Variants in THADA observed in about 807,000 individuals in gnomAD.
The protein encoded by THADA is THADA armadillo repeat containing.
In THADA, 213 loss-of-function variants were observed where a neutral mutation model predicts 219.8. The observed-to-expected ratio is 0.97, with a 90% CI of 0.87 to 1.09. The LOEUF is 1.09. Ranked by LOEUF, THADA falls within the 50% of genes least tolerant of loss-of-function variation. The pLI, the probability that THADA is intolerant of heterozygous loss-of-function variation, is 0.00. For synonymous variants in THADA, 1,018 were observed against 828.9 expected (o/e 1.23, Z -3.92); for missense variants, 2,956 against 2,311.3 (o/e 1.28, Z -5.72).
In THADA at chr2:43,514,708, ATATAAAT is replaced by A. The variant is rs1394141058; in HGVS notation, c.3375-5935_3375-5929del. Among the ~76,000 whole-genome samples, 328 of 74,308 alleles carry A rather than the reference ATATAAAT, an allele frequency of 4.4e-3. 52 individuals are homozygous for A. The highest frequency in any genetic ancestry group is 0.011 in the African/African-American group (173 of 15,326). 48.7% of individuals were successfully genotyped at this position (74,308 alleles called of 152,430 possible). A position where few individuals can be genotyped will look rare whatever the true frequency, so the allele number is the denominator to read the frequency against. On this transcript the variant is annotated intron_variant, in intron 22 of 37. Transcript: ENST00000405975. ...ATTATATATAATATATATAATATAT[ATATAAAT>A]ATATATTATATATAATATGTATAAT...
intron 21 of THADA, among the ~76,000 whole-genome samples, chr2:43,530,949 C>T (rs1036599936): frequency 2.6e-5 from 4 of 152,124 alleles, no homozygotes; most frequent in African/African-American, 9.7e-5. Context: ...TAATAATTTC[C>T]GAATAAACCC....
chr2:43,529,319 T>C (rs544954721), intron 21 of THADA, among the ~76,000 whole-genome samples: 120 of 152,274 alleles, frequency 7.9e-4, no homozygotes, highest in South Asian at 1.4e-3. Context: ...TAAGTGTATG[T>C]CACCAAACCC....
chr2:43,325,033 T>C (rs1367112765), intron 30 of THADA, among the ~76,000 whole-genome samples: 2 of 152,206 alleles, frequency 1.3e-5, no homozygotes, highest in African/African-American at 2.4e-5. Flanking sequence ...AATCCTGTTT[T>C]CTTCCACTCT....
intron 31 of THADA, among the ~76,000 whole-genome samples, chr2:43,298,605 T>A (rs938390683): frequency 3.6e-5 from 5 of 138,152 alleles, no homozygotes; most frequent in African/African-American, 6.4e-5. Flanking sequence ...AAAAAAAAAA[T>A]TAAAAAAAAA....
intron 26 of THADA, among the ~76,000 whole-genome samples, chr2:43,478,124 A>C (rs1685758064): frequency 6.6e-6 from 1 of 152,314 alleles, no homozygotes; most frequent in Non-Finnish European, 1.5e-5. Context: ...GAAATCTCAG[A>C]CATGTTATAA....
chr2:43,268,962 C>G (rs553486758), intron 36 of THADA, among the ~76,000 whole-genome samples: 1 of 152,306 alleles, frequency 6.6e-6, no homozygotes, highest in South Asian at 2.1e-4. Flanking sequence ...ATCTTGCCAC[C>G]CCTGACAGAG....
intron 36 of THADA, among the ~76,000 whole-genome samples, chr2:43,262,500 A>G (rs1186430017): frequency 6.6e-6 from 1 of 152,206 alleles, no homozygotes; most frequent in Non-Finnish European, 1.5e-5. Flanking sequence ...AATGGACTGC[A>G]GTCACTTGAG....
chr2:43,291,669 C>A (rs1455850535), intron 34 of THADA, 27 bp downstream of exon 34: 4 of 1,506,408 alleles, frequency 2.7e-6, no homozygotes, highest in Non-Finnish European at 3.6e-6. Flanking sequence ...ATCCTAGGTC[C>A]CGGAACAAGA....
chr2:43,237,688 C>G (rs1211797733), intron 36 of THADA, among the ~76,000 whole-genome samples: 1 of 151,946 alleles, frequency 6.6e-6, no homozygotes, highest in Admixed American at 6.6e-5. Context: ...CGTGAGCCAC[C>G]ACGCCCGGCC....
At chr2:43,566,342 A>G (rs1698676090) in intron 15 of THADA, 1 of 584,766 alleles carries the variant, frequency 1.7e-6, no homozygotes, top group Non-Finnish European at 3.0e-6. Context: ...AATATTAAAT[A>G]TAATAGAAGC....
At chr2:43,319,685 A>C (rs894017809) in intron 31 of THADA, among the ~76,000 whole-genome samples, 4 of 152,104 alleles carry the variant, frequency 2.6e-5, no homozygotes, top group Non-Finnish European at 4.4e-5. Context: ...TCAGAATCTG[A>C]CTTTGTAATT....
intron 36 of THADA, among the ~76,000 whole-genome samples, chr2:43,267,032 T>C (rs779699741): frequency 6.6e-6 from 1 of 152,202 alleles, no homozygotes; most frequent in Non-Finnish European, 1.5e-5. Flanking sequence ...TAGTAAATTC[T>C]TGCTCTGGGT....
chr2:43,307,847 GA>G (rs1371554808), intron 31 of THADA, among the ~76,000 whole-genome samples: 1 of 151,590 alleles, frequency 6.6e-6, no homozygotes, highest in African/African-American at 2.4e-5. Context: ...ATAACCAGGA[GA>G]AAAAAAATTT....
chr2:43,503,221 T>C (rs1326144965), intron 24 of THADA, among the ~76,000 whole-genome samples: 2 of 152,208 alleles, frequency 1.3e-5, no homozygotes, highest in Non-Finnish European at 2.9e-5. Context: ...GTATATAACC[T>C]GGAGAAACAC....
chr2:43,510,660 TAA>T (rs397729303), intron 22 of THADA, among the ~76,000 whole-genome samples: 51 of 122,330 alleles, frequency 4.2e-4, no homozygotes, highest in Non-Finnish European at 3.6e-4. Context: ...TTCTTCACTG[TAA>T]AAAAAAAAAA....
intron 29 of THADA, among the ~76,000 whole-genome samples, chr2:43,364,404 C>T (rs1404901451): frequency 6.6e-6 from 1 of 152,148 alleles, no homozygotes; most frequent in African/African-American, 2.4e-5. Context: ...TCTTTGTTGT[C>T]AGGTAATTCT....
At chr2:43,249,403 T>C (rs1439869516) in intron 36 of THADA, among the ~76,000 whole-genome samples, 1 of 152,178 alleles carries the variant, frequency 6.6e-6, no homozygotes, top group African/African-American at 2.4e-5. Context: ...GGTAGCTTTC[T>C]AAGCAGGCTC....
At chr2:43,362,180 G>A (rs1460966062) in intron 29 of THADA, among the ~76,000 whole-genome samples, 1 of 152,174 alleles carries the variant, frequency 6.6e-6, no homozygotes, top group African/African-American at 2.4e-5. Context: ...TTATTCAAAG[G>A]AAGCAAAGCG....
At chr2:43,406,060 T>C (rs1361195852) in intron 28 of THADA, among the ~76,000 whole-genome samples, 5 of 152,212 alleles carry the variant, frequency 3.3e-5, no homozygotes, top group Non-Finnish European at 7.3e-5. Flanking sequence ...GGCTGTGAAA[T>C]GTCAGCTGCT....
Sources: gnomAD v4.1 joint callset for allele counts (sites outside exome capture counted in the v4.1 genomes callset) on GRCh38, gnomAD v4.1.1 for gene constraint, MANE v1.5 for transcripts, NCBI Gene and HGNC (gene_info 2026-07-23, HGNC 2026-07-21) for gene names.